The following GMDS variants were observed in gnomAD, a reference collection of about 807,000 sequenced individuals.
GMDS encodes the protein GDP-mannose 4,6-dehydratase, also known as GDP-mannose 4,6 dehydratase.
A neutral mutation model predicts 49.9 loss-of-function variants in GMDS; 20 were observed. That is an observed-to-expected ratio of 0.40 (90% CI 0.28 to 0.58). The LOEUF (loss-of-function observed/expected upper bound fraction) is 0.58. GMDS is among the 20% of genes least tolerant of loss of function. GMDS has a pLI of 0.42. For synonymous variants in GMDS, 177 were observed against 178.6 expected (o/e 0.99, Z 0.07); for missense variants, 362 against 481.4 (o/e 0.75, Z 2.32).
intron 1 of GMDS, among the ~76,000 whole-genome samples, chr6:2,243,499 G>A (rs1781711914): frequency 6.6e-6 from 1 of 152,028 alleles, no homozygotes; most frequent in Non-Finnish European, 1.5e-5. Flanking sequence ...GGTAAACTTG[G>A]TAAACATTTG....
chr6:1,869,519 G>T (rs1758614492), intron 7 of GMDS, among the ~76,000 whole-genome samples: 1 of 152,156 alleles, frequency 6.6e-6, no homozygotes, highest in Non-Finnish European at 1.5e-5. Flanking sequence ...TCAAGGTCTA[G>T]CTCCTGGTCA....
chr6:1,676,913 A>G (rs1471119772), intron 9 of GMDS, among the ~76,000 whole-genome samples: 1 of 152,228 alleles, frequency 6.6e-6, no homozygotes, highest in Non-Finnish European at 1.5e-5. Flanking sequence ...AATGGCAACA[A>G]AAGCCAAAAT....
intron 7 of GMDS, among the ~76,000 whole-genome samples, chr6:1,780,675 A>G (rs1357092326): frequency 6.6e-6 from 1 of 152,182 alleles, no homozygotes; most frequent in Non-Finnish European, 1.5e-5. Context: ...TCTCCTGCCC[A>G]GGTGCCGGCA....
intron 4 of GMDS, among the ~76,000 whole-genome samples, chr6:1,999,319 T>TTA (rs1561960517): frequency 9.5e-6 from 1 of 105,588 alleles, no homozygotes; most frequent in Non-Finnish European, 2.1e-5. Flanking sequence ...AGACTCTGTC[T>TTA]CAAAAAAAAA....
At chr6:1,781,318 T>C (rs1350039790) in intron 7 of GMDS, among the ~76,000 whole-genome samples, 2 of 152,204 alleles carry the variant, frequency 1.3e-5, no homozygotes, top group African/African-American at 4.8e-5. Flanking sequence ...GTGTTCCTGC[T>C]GCTGCTGGTG....
chr6:2,186,247 T>C (rs2127565214), intron 1 of GMDS, among the ~76,000 whole-genome samples: 1 of 152,366 alleles, frequency 6.6e-6, no homozygotes, highest in East Asian at 1.9e-4. Flanking sequence ...TGTTTTAATG[T>C]ACAATGTTAA....
At chr6:1,751,429 A>C (rs1767726181) in intron 7 of GMDS, among the ~76,000 whole-genome samples, 1 of 152,208 alleles carries the variant, frequency 6.6e-6, no homozygotes, top group Non-Finnish European at 1.5e-5. Flanking sequence ...ACCAAAAAAA[A>C]CTGGGTCTGG....
intron 4 of GMDS, among the ~76,000 whole-genome samples, chr6:1,980,937 G>A (rs1765188838): frequency 6.6e-6 from 1 of 152,144 alleles, no homozygotes; most frequent in South Asian, 2.1e-4. Flanking sequence ...GCTCCTTAAT[G>A]ACTCTTGGAT....
intron 4 of GMDS, among the ~76,000 whole-genome samples, chr6:2,075,467 C>T (rs778086388): frequency 6.0e-4 from 92 of 152,124 alleles, no homozygotes; most frequent in Non-Finnish European, 6.6e-4. Flanking sequence ...TCCAAGTGTT[C>T]TCATTGTTCA....
At chr6:2,208,231 C>T (rs537060589) in intron 1 of GMDS, among the ~76,000 whole-genome samples, 48 of 152,244 alleles carry the variant, frequency 3.2e-4, no homozygotes, top group Middle Eastern at 3.4e-3. Context: ...CTCAAGTTTA[C>T]GCCATCACCC....
chr6:1,819,802 C>A (rs975624625), intron 7 of GMDS, among the ~76,000 whole-genome samples: 1 of 140,846 alleles, frequency 7.1e-6, no homozygotes. Flanking sequence ...TATATATCTA[C>A]CTTGGGTTAT....
At chr6:1,740,556 CAAAA>C (rs557749479) in intron 8 of GMDS, among the ~76,000 whole-genome samples, 1 of 66,554 alleles carries the variant, frequency 1.5e-5, no homozygotes. Flanking sequence ...GACTCCGTCT[CAAAA>C]AAAAAAAAAA....
intron 9 of GMDS, among the ~76,000 whole-genome samples, chr6:1,660,800 C>T (rs1414769740): frequency 2.7e-5 from 4 of 146,610 alleles, no homozygotes; most frequent in Non-Finnish European, 4.5e-5. Flanking sequence ...GAGATGTTGG[C>T]GGCAAAGAAT....
At position 1,624,013 on chromosome 6, in the gene GMDS, G is replaced by A. The variant is rs1022633525; in HGVS notation, c.*156C>T. 3.2e-6 allele frequency: 2 copies of A among 630,170 alleles called. No individual in the cohort carries two copies. The highest frequency in any genetic ancestry group is 5.5e-6 in the Non-Finnish European group (2 of 366,274). The allele number at this position is 630,170 out of a possible 1,614,324, so 39.0% of individuals were successfully genotyped here. A position where few individuals can be genotyped will look rare whatever the true frequency, so the allele number is the denominator to read the frequency against. ...ATCCCGGCTGCTACAAACCTCGGCG[G>A]GGCGGCCCCGCTCTTGCGGCCGGGA... On this transcript the variant is annotated 3_prime_UTR_variant, in exon 11 of 11. Coordinates refer to ENST00000380815, the MANE Select transcript of GMDS (RefSeq NM_001500.4).
chr6:2,031,540 G>A (rs1468706616), intron 4 of GMDS, among the ~76,000 whole-genome samples: 1 of 152,048 alleles, frequency 6.6e-6, no homozygotes, highest in Non-Finnish European at 1.5e-5. Context: ...GGGTGGGGAT[G>A]GGGATACAAT....
intron 7 of GMDS, among the ~76,000 whole-genome samples, chr6:1,759,756 TTATCAGGGAAC>T (rs1475385051): frequency 6.6e-6 from 1 of 152,156 alleles, no homozygotes; most frequent in Non-Finnish European, 1.5e-5. Flanking sequence ...CTTCAGGTAG[TTATCAGGGAAC>T]TATCAGGTAT....
At chr6:1,769,376 G>A (rs1327804000) in intron 7 of GMDS, among the ~76,000 whole-genome samples, 5 of 152,232 alleles carry the variant, frequency 3.3e-5, no homozygotes, top group Non-Finnish European at 7.3e-5. Flanking sequence ...TTTAACCTGT[G>A]TCAAGCTACT....
At chr6:1,822,200 C>G (rs1179018052) in intron 7 of GMDS, among the ~76,000 whole-genome samples, 2 of 152,142 alleles carry the variant, frequency 1.3e-5, no homozygotes, top group African/African-American at 4.8e-5. Flanking sequence ...AGCTTTCTGA[C>G]CCAACTCACA....
At chr6:1,685,508 G>C (rs1764947003) in intron 9 of GMDS, among the ~76,000 whole-genome samples, 1 of 151,996 alleles carries the variant, frequency 6.6e-6, no homozygotes. Context: ...AAAAAAAACT[G>C]TTTAATCTGA....
Sources: allele counts gnomAD v4.1 joint callset (sites outside exome capture counted in the v4.1 genomes callset), GRCh38; gene constraint gnomAD v4.1.1; transcripts MANE v1.5; gene names NCBI Gene and HGNC (gene_info 2026-07-23, HGNC 2026-07-21).